Variants in CD28 observed in about 807,000 individuals in gnomAD.
The protein encoded by CD28 is T-cell-specific surface glycoprotein CD28.
CD28 carries 8 observed loss-of-function variants against 21.4 expected under a neutral mutation model. The observed-to-expected ratio is 0.37, with a 90% CI of 0.22 to 0.68. The LOEUF is 0.68. Ranked by LOEUF, CD28 falls within the 30% of genes least tolerant of loss-of-function variation. The pLI, the probability that CD28 is intolerant of heterozygous loss-of-function variation, is 0.55. For missense variants in CD28, 239 were observed against 272.2 expected (o/e 0.88, Z 0.86); for synonymous variants, 106 against 104.0 (o/e 1.02, Z -0.12).
At position 203,734,849 on chromosome 2, in the gene CD28, G is replaced by A; in HGVS notation, c.600G>A (p.Gly200=). The part of the protein sequence containing the change: ...DYMNMTPRRP[G]PTRKHYQPYA... The stretch of plus-strand genomic sequence containing the variant: ...TGAACATGACTCCCCGCCGCCCCGG[G>A]CCCACCCGCAAGCATTACCAGCCCT... The change falls in exon 4 of 4, where the codon GGG becomes GGA. Residue 200 remains glycine, a synonymous_variant. Transcript: ENST00000324106. 1 of 1,614,150 alleles carries A rather than the reference G, an allele frequency of 6.2e-7. No homozygotes were observed. The highest frequency in any genetic ancestry group is 1.1e-5 in the South Asian group (1 of 91,088).
At chr2:203,716,479 T>G (rs1693465566) in intron 1 of CD28, among the ~76,000 whole-genome samples, 1 of 152,108 alleles carries the variant, frequency 6.6e-6, no homozygotes, top group South Asian at 2.1e-4. Context: ...TTAAGTCCCT[T>G]ATTTATTTGA....
chr2:203,710,356 C>CA (rs1267003229), intron 1 of CD28, among the ~76,000 whole-genome samples: 1 of 152,198 alleles, frequency 6.6e-6, no homozygotes, highest in African/African-American at 2.4e-5. Context: ...ACGTTTACAG[C>CA]AAGGACTGCA....
chr2:203,734,895 G>A lies in CD28; in HGVS notation c.646G>A (p.Ala216Thr), dbSNP rs200016310. The A allele has an allele frequency of 3.1e-6, 5 of 1,613,894 alleles. No homozygotes were observed. Among genetic ancestry groups the A allele is most frequent in the Admixed American group, 1.7e-5 (1 of 59,986 alleles). The stretch of plus-strand genomic sequence containing the variant: ...GCCCTATGCCCCACCACGCGACTTC[G>A]CAGCCTATCGCTCCTGACACGGACG... ...YQPYAPPRDF[A>T]AYRS The change falls in exon 4 of 4, where the codon GCA becomes ACA. Residue 216 changes from alanine to threonine, a missense_variant. This residue lies in a region of CD28 where 112 missense variants were observed against 112.8 expected (regional missense o/e 0.99). Coordinates refer to ENST00000324106, the MANE Select transcript of CD28 (RefSeq NM_006139.4).
Position 203,736,873 on chromosome 2 carries a change from C to T in CD28, c.*1961C>T, listed in dbSNP as rs1366033643. 6.6e-6 allele frequency: 1 copy of T among 152,216 alleles called. No individual in the cohort carries two copies. Among genetic ancestry groups the T allele is most frequent in the African/African-American group, 2.4e-5 (1 of 41,462 alleles). 9.4% of individuals were successfully genotyped at this position (152,216 alleles called of 1,614,324 possible). ...AGTCTGTCTTTGACTCTGCCTATCC[C>T]TGACATTTAGTAGCATGCCCGACAT... On this transcript the variant is annotated 3_prime_UTR_variant, in exon 4 of 4. Transcript: ENST00000324106.
intron 1 of CD28, among the ~76,000 whole-genome samples, chr2:203,724,785 T>C (rs1693695402): frequency 6.6e-6 from 1 of 152,230 alleles, no homozygotes; most frequent in South Asian, 2.1e-4. Flanking sequence ...TGTATATGAA[T>C]TCAAATTCAG....
chr2:203,718,171 T>C (rs1002349308), intron 1 of CD28, among the ~76,000 whole-genome samples: 1 of 152,138 alleles, frequency 6.6e-6, no homozygotes, highest in Non-Finnish European at 1.5e-5. Context: ...GCTAAGGTTA[T>C]CAGAGCCATA....
At chr2:203,710,394 G>GA (rs1417412720) in intron 1 of CD28, among the ~76,000 whole-genome samples, 3 of 152,168 alleles carry the variant, frequency 2.0e-5, no homozygotes, top group Admixed American at 2.0e-4. Context: ...TCAATACCAG[G>GA]AAATGGAATG....
chr2:203,733,144 G>T (rs1004273063), intron 3 of CD28, among the ~76,000 whole-genome samples: 2 of 152,158 alleles, frequency 1.3e-5, no homozygotes, highest in African/African-American at 4.8e-5. Context: ...CTGTGATCTT[G>T]TGCTCAAGAC....
At chr2:203,712,922 T>G (rs145851518) in intron 1 of CD28, among the ~76,000 whole-genome samples, 5 of 152,352 alleles carry the variant, frequency 3.3e-5, no homozygotes, top group African/African-American at 1.2e-4. Flanking sequence ...GTTACTATGA[T>G]TGCTATGATT....
At chr2:203,727,633 C>A (rs1347823996) in intron 2 of CD28, among the ~76,000 whole-genome samples, 1 of 151,152 alleles carries the variant, frequency 6.6e-6, no homozygotes, top group Non-Finnish European at 1.5e-5. Flanking sequence ...GGCCCGCCAC[C>A]ACGCCTGGCT....
chr2:203,708,352 T>G (rs2106106424), intron 1 of CD28, among the ~76,000 whole-genome samples: 1 of 152,328 alleles, frequency 6.6e-6, no homozygotes, highest in South Asian at 2.1e-4. Context: ...TCTTTAACAT[T>G]TATTTTAAAA....
intron 1 of CD28, among the ~76,000 whole-genome samples, chr2:203,718,260 G>A (rs1300939765): frequency 6.6e-6 from 1 of 152,154 alleles, no homozygotes; most frequent in African/African-American, 2.4e-5. Flanking sequence ...TTGTCTTGTG[G>A]GGGAGCCTAC....
chr2:203,709,108 TC>T (rs1372374674), intron 1 of CD28, among the ~76,000 whole-genome samples: 1 of 130,146 alleles, frequency 7.7e-6, no homozygotes, highest in Admixed American at 8.0e-5. Context: ...GGAAACAGTC[TC>T]AAAAAAAAAA....
At chr2:203,717,903 C>T (rs755954295) in intron 1 of CD28, among the ~76,000 whole-genome samples, 2 of 152,108 alleles carry the variant, frequency 1.3e-5, no homozygotes, top group Admixed American at 1.3e-4. Context: ...TTCAAGATAA[C>T]AGTCAACAGA....
At chr2:203,713,046 C>T (rs537906636) in intron 1 of CD28, among the ~76,000 whole-genome samples, 104 of 152,276 alleles carry the variant, frequency 6.8e-4, no homozygotes, top group Middle Eastern at 3.4e-3. Flanking sequence ...GGTTCATGTT[C>T]TTACCAATGC....
intron 2 of CD28, among the ~76,000 whole-genome samples, chr2:203,727,512 C>T (rs931574988): frequency 2.0e-5 from 3 of 148,228 alleles, no homozygotes; most frequent in African/African-American, 7.5e-5. Flanking sequence ...CGGACTCTCG[C>T]TCTGTCGCCC....
rs73048758 is a variant in CD28, at chr2:203,714,711, G to A, written c.52+7963G>A. On this transcript the variant is annotated intron_variant, in intron 1 of 3. Transcript: ENST00000324106. ...ATTTTTTAAAAAGCTAACTTTTGTC[G>A]GGTCTAACAAGGCAGCTCAACTACC... Among the ~76,000 whole-genome samples, 760 of 152,118 alleles carry A rather than the reference G, an allele frequency of 5.0e-3. 6 individuals are homozygous for A. Among genetic ancestry groups the A allele is most frequent in the African/African-American group, 0.017 (715 of 41,490 alleles).
At position 203,727,037 on chromosome 2, in the gene CD28, A is replaced by T. The variant is rs199622767; in HGVS notation, c.409+48A>T. On this transcript the variant is annotated intron_variant, in intron 2 of 3. Coordinates refer to ENST00000324106, the MANE Select transcript of CD28 (RefSeq NM_006139.4). ...TACCACCCTAAAGTAATGGTTTTCA[A>T]ATGCAGTCCTGAAAACTGGGTTGTG... 2.5e-6 allele frequency: 3 copies of T among 1,183,364 alleles called. No homozygotes were observed. The East Asian group carries it at 7.0e-5, about 28-fold the overall frequency. 73.3% of individuals were successfully genotyped at this position (1,183,364 alleles called of 1,614,324 possible). A position where few individuals can be genotyped will look rare whatever the true frequency, so the allele number is the denominator to read the frequency against.
At chr2:203,709,493 A>G (rs1693256793) in intron 1 of CD28, among the ~76,000 whole-genome samples, 1 of 152,226 alleles carries the variant, frequency 6.6e-6, no homozygotes, top group African/African-American at 2.4e-5. Context: ...GAGTTGGATG[A>G]CAGTGTAGAG....
Sources: gnomAD v4.1 joint callset for allele counts (sites outside exome capture counted in the v4.1 genomes callset) on GRCh38, gnomAD v4.1.1 for gene constraint, gnomAD v4.1.1 regional missense constraint, MANE v1.5 for transcripts, NCBI Gene and HGNC (gene_info 2026-07-23, HGNC 2026-07-21) for gene names.